The following STAG1 variants were observed in gnomAD, a reference collection of about 807,000 sequenced individuals.
STAG1 encodes STAG1 cohesin complex component, also known as cohesin subunit SA-1.
STAG1 carries 26 observed loss-of-function variants against 170.9 expected under a neutral mutation model. The observed-to-expected ratio is 0.15, with a 90% CI of 0.11 to 0.21. STAG1 has a LOEUF of 0.21. Ranked by LOEUF, STAG1 falls within the 10% of genes least tolerant of loss-of-function variation. The probability of loss-of-function intolerance (pLI) is 1.00; values close to 1 mark genes in which losing one functional copy is unlikely to be tolerated. For missense variants in STAG1, 964 were observed against 1,509.5 expected, an observed-to-expected ratio of 0.64 and a Z score of 5.99; for synonymous variants, 514 against 497.7, an observed-to-expected ratio of 1.03 and a Z score of -0.44.
chr3:136,370,823 G>A (rs1220646870), intron 23 of STAG1, among the ~76,000 whole-genome samples: 10 of 152,128 alleles, frequency 6.6e-5, no homozygotes, highest in African/African-American at 1.2e-4. Context: ...ATAAACATAC[G>A]TGTGCGTGTG....
intron 1 of STAG1, among the ~76,000 whole-genome samples, chr3:136,698,347 G>A (rs940750958): frequency 1.3e-5 from 2 of 151,954 alleles, no homozygotes; most frequent in Admixed American, 6.6e-5. Flanking sequence ...GACATGAAGA[G>A]ACATTTCTCA....
chr3:136,421,452 A>G (rs1244393290), intron 19 of STAG1, among the ~76,000 whole-genome samples: 1 of 152,236 alleles, frequency 6.6e-6, no homozygotes, highest in Non-Finnish European at 1.5e-5. Flanking sequence ...AAGATTTTCA[A>G]TGATTTCCAA....
At chr3:136,740,441 A>C (rs1345939948) in intron 1 of STAG1, among the ~76,000 whole-genome samples, 1 of 152,154 alleles carries the variant, frequency 6.6e-6, no homozygotes, top group Non-Finnish European at 1.5e-5. Flanking sequence ...GTTATTGTAA[A>C]ATGTTTATTG....
At chr3:136,539,743 A>G (rs2107722913) in intron 6 of STAG1, among the ~76,000 whole-genome samples, 1 of 152,326 alleles carries the variant, frequency 6.6e-6, no homozygotes. Flanking sequence ...TTACAATCAC[A>G]AAGCACTGCT....
chr3:136,447,329 T>C (rs112324660), intron 14 of STAG1, among the ~76,000 whole-genome samples: 174 of 151,538 alleles, frequency 1.1e-3, no homozygotes, highest in African/African-American at 2.4e-3. Flanking sequence ...AATTGCTGGG[T>C]GTGGTGGCGC....
chr3:136,387,057 C>G (rs911166187), intron 22 of STAG1, among the ~76,000 whole-genome samples: 1 of 152,196 alleles, frequency 6.6e-6, no homozygotes, highest in African/African-American at 2.4e-5. Flanking sequence ...AACTAAACTG[C>G]TTACCCAGAA....
At chr3:136,724,657 A>T (rs1043332284) in intron 1 of STAG1, among the ~76,000 whole-genome samples, 16 of 152,140 alleles carry the variant, frequency 1.1e-4, no homozygotes, top group African/African-American at 3.9e-4. Flanking sequence ...CCAGTCTGCA[A>T]GTTTGTTATT....
chr3:136,510,237 G>A (rs990992355), intron 7 of STAG1, among the ~76,000 whole-genome samples: 9 of 152,280 alleles, frequency 5.9e-5, no homozygotes, highest in Admixed American at 5.9e-4. Flanking sequence ...AGGTAACTGG[G>A]ATCATGGGGG....
chr3:136,587,864 A>C (rs1450879746), intron 4 of STAG1, among the ~76,000 whole-genome samples: 1 of 152,192 alleles, frequency 6.6e-6, no homozygotes, highest in Non-Finnish European at 1.5e-5. Flanking sequence ...CGCAAGGCTG[A>C]GGCAGGAGAA....
chr3:136,338,383 A>ATGAT lies in STAG1; in HGVS notation c.3736_3739dup (p.Ile1247AsnfsTer5). 1 of 1,613,260 alleles carries ATGAT rather than the reference A, an allele frequency of 6.2e-7. No homozygotes were observed. Among genetic ancestry groups the ATGAT allele is most frequent in the Non-Finnish European group, 8.5e-7 (1 of 1,179,214 alleles). ...TTTGACATTTACTGAATCATCTTCT[A>ATGAT]TGATAGCTGCAGAGTCAAAGAAGTC... On this transcript the variant is annotated frameshift_variant, in exon 33 of 34. Coordinates refer to ENST00000383202, the MANE Select transcript of STAG1 (RefSeq NM_005862.3). LOFTEE classifies it high-confidence loss of function.
At chr3:136,631,776 C>T (rs1940338006) in intron 1 of STAG1, among the ~76,000 whole-genome samples, 1 of 152,112 alleles carries the variant, frequency 6.6e-6, no homozygotes, top group Non-Finnish European at 1.5e-5. Flanking sequence ...TAACAGTCCA[C>T]ACTAGGCCAT....
At chr3:136,527,150 G>A (rs189056364) in intron 6 of STAG1, among the ~76,000 whole-genome samples, 97 of 152,234 alleles carry the variant, frequency 6.4e-4, no homozygotes, top group African/African-American at 2.2e-3. Flanking sequence ...GCCTTGCTAG[G>A]TTGGGGAAGT....
intron 1 of STAG1, among the ~76,000 whole-genome samples, chr3:136,726,713 T>C (rs148259761): frequency 6.6e-6 from 1 of 152,196 alleles, no homozygotes; most frequent in African/African-American, 2.4e-5. Flanking sequence ...TATGAGCCAC[T>C]GCACCCGTCC....
intron 23 of STAG1, among the ~76,000 whole-genome samples, chr3:136,372,387 T>G (rs1418106300): frequency 6.6e-6 from 1 of 152,166 alleles, no homozygotes; most frequent in East Asian, 1.9e-4. Flanking sequence ...AACACTATAC[T>G]GAATAGGAGT....
chr3:136,749,155 A>C (rs1935100885), intron 1 of STAG1, among the ~76,000 whole-genome samples: 1 of 152,188 alleles, frequency 6.6e-6, no homozygotes, highest in Non-Finnish European at 1.5e-5. Context: ...TATATGACAA[A>C]ATATATGTTT....
chr3:136,609,483 A>C (rs1374182556), intron 3 of STAG1: 2 of 152,080 alleles, frequency 1.3e-5, no homozygotes, highest in Non-Finnish European at 2.9e-5. Flanking sequence ...AAGGGGAGCA[A>C]AGAGAAAAGA....
intron 21 of STAG1, among the ~76,000 whole-genome samples, chr3:136,410,241 A>C (rs2087589222): frequency 6.6e-6 from 1 of 151,600 alleles, no homozygotes; most frequent in Non-Finnish European, 1.5e-5. Context: ...CTCTACTAAA[A>C]ATACAAAAAT....
At chr3:136,521,115 A>G in intron 7 of STAG1, 98 bp downstream of exon 7, 1 of 1,016,698 alleles carries the variant, frequency 9.8e-7, no homozygotes. Context: ...TTTTATTCTA[A>G]TTAAATTTTT....
intron 1 of STAG1, among the ~76,000 whole-genome samples, chr3:136,658,587 A>C (rs1321333330): frequency 1.3e-5 from 2 of 152,208 alleles, no homozygotes; most frequent in Admixed American, 1.3e-4. Context: ...AGATATGTAA[A>C]ATAAGCTACA....
Sources: gnomAD v4.1 joint callset for allele counts (sites outside exome capture counted in the v4.1 genomes callset) on GRCh38, gnomAD v4.1.1 for gene constraint, MANE v1.5 for transcripts, NCBI Gene and HGNC (gene_info 2026-07-23, HGNC 2026-07-21) for gene names.